Variants in SEMA3A observed in about 807,000 individuals in gnomAD.
SEMA3A encodes the protein semaphorin 3A.
SEMA3A carries 29 observed loss-of-function variants against 97.9 expected under a neutral mutation model. That is an observed-to-expected ratio of 0.30 (90% CI 0.22 to 0.40). The LOEUF (loss-of-function observed/expected upper bound fraction) is 0.40. SEMA3A is among the 10% of genes least tolerant of loss of function. The pLI is 1.00. For missense variants in SEMA3A, 763 were observed against 951.3 expected, an observed-to-expected ratio of 0.80 and a Z score of 2.60; for synonymous variants, 321 against 323.7, an observed-to-expected ratio of 0.99 and a Z score of 0.09.
chr7:84,370,232 AGTT>A (rs1802941895), intron 2 of SEMA3A, among the ~76,000 whole-genome samples: 1 of 151,604 alleles, frequency 6.6e-6, no homozygotes, highest in African/African-American at 2.4e-5. Context: ...TGATAAAAGA[AGTT>A]GTGTTTAAGA....
chr7:84,222,158 C>G (rs752348108), intron 3 of SEMA3A, among the ~76,000 whole-genome samples: 1 of 151,872 alleles, frequency 6.6e-6, no homozygotes, highest in African/African-American at 2.4e-5. Flanking sequence ...TGATTATCAT[C>G]TTGCACCCTA....
At chr7:84,236,018 A>T (rs974362747) in intron 3 of SEMA3A, among the ~76,000 whole-genome samples, 1 of 152,128 alleles carries the variant, frequency 6.6e-6, no homozygotes, top group African/African-American at 2.4e-5. Context: ...TTATCAAAAC[A>T]TCAAAGGCAC....
chr7:84,190,960 T>C (rs897186683), intron 1 of SEMA3A, among the ~76,000 whole-genome samples: 1 of 82,636 alleles, frequency 1.2e-5, no homozygotes, highest in African/African-American at 7.3e-5. Flanking sequence ...TGTATTGGTA[T>C]ATACACACAC....
chr7:84,294,716 T>C lies in SEMA3A; in HGVS notation c.-83+12491A>G, dbSNP rs538098237. Among the ~76,000 whole-genome samples the C allele has an allele frequency of 2.6e-5, 4 of 152,114 alleles. 1 individual carries two copies. Among genetic ancestry groups the C allele is most frequent in the African/African-American group, 9.6e-5 (4 of 41,536 alleles). On this transcript the variant is annotated intron_variant, in intron 3 of 3. Coordinates refer to the SEMA3A transcript ENST00000424555. ...CCTCTAAATATTCAGAAAATAAAGGTTGAACTGGTAAAATGGTGAGAATAC... is the reference window on the plus strand; with the variant it reads ...CCTCTAAATATTCAGAAAATAAAGGCTGAACTGGTAAAATGGTGAGAATAC...
chr7:84,290,630 T>C (rs973847163), intron 3 of SEMA3A, among the ~76,000 whole-genome samples: 6 of 152,074 alleles, frequency 3.9e-5, no homozygotes, highest in African/African-American at 1.4e-4. Flanking sequence ...AGAATAGCAG[T>C]TCTCTTCTGA....
chr7:84,036,780 G>A (rs571084683), intron 6 of SEMA3A, among the ~76,000 whole-genome samples: 2 of 151,672 alleles, frequency 1.3e-5, no homozygotes, highest in Non-Finnish European at 1.5e-5. Flanking sequence ...TTGTTTTTAC[G>A]GACAACCATA....
At chr7:83,988,496 T>G (rs1418452406) in intron 12 of SEMA3A, among the ~76,000 whole-genome samples, 1 of 152,094 alleles carries the variant, frequency 6.6e-6, no homozygotes, top group African/African-American at 2.4e-5. Flanking sequence ...CCAACTTTTG[T>G]GGTTTTAATT....
intron 1 of SEMA3A, among the ~76,000 whole-genome samples, chr7:84,406,674 C>T (rs1804099906): frequency 1.3e-5 from 2 of 152,166 alleles, no homozygotes; most frequent in African/African-American, 2.4e-5. Context: ...CAAACTGAAT[C>T]CAGCAGCACA....
intron 2 of SEMA3A, among the ~76,000 whole-genome samples, chr7:84,348,915 C>T (rs1421025407): frequency 2.0e-5 from 3 of 150,402 alleles, no homozygotes; most frequent in South Asian, 2.1e-4. Flanking sequence ...AACCGGGTGG[C>T]GGAGGTTGAA....
rs76337470 is a variant in SEMA3A, at chr7:84,308,502, C to T, written c.-168-1210G>A. Among the ~76,000 whole-genome samples, 1,075 of 152,172 alleles carry T rather than the reference C, an allele frequency of 7.1e-3. 13 individuals carry two copies. Among genetic ancestry groups the T allele is most frequent in the African/African-American group, 0.025 (1,033 of 41,518 alleles). On this transcript the variant is annotated intron_variant, in intron 2 of 3. Transcript: ENST00000424555. ...GGAGAGGAGTCAATCAACTGAGAAA[C>T]TAGAATTTTTGAAGACTCATCTGGG... is the stretch of plus-strand genomic sequence containing the variant.
chr7:84,099,649 C>A (rs1020880677), intron 4 of SEMA3A, among the ~76,000 whole-genome samples: 3 of 151,936 alleles, frequency 2.0e-5, no homozygotes, highest in African/African-American at 7.3e-5. Flanking sequence ...GAATCATAAA[C>A]GCTTTTTTTA....
At chr7:83,987,270 A>ATTTT (rs1444414359) in intron 12 of SEMA3A, among the ~76,000 whole-genome samples, 1 of 152,116 alleles carries the variant, frequency 6.6e-6, no homozygotes, top group Non-Finnish European at 1.5e-5. Context: ...AAAAAAATCA[A>ATTTT]TTAAAAAGTG....
intron 5 of SEMA3A, among the ~76,000 whole-genome samples, chr7:84,053,784 A>G (rs1039900142): frequency 1.2e-4 from 17 of 143,910 alleles, no homozygotes; most frequent in African/African-American, 4.0e-4. Context: ...TTGCTCGTTA[A>G]TTGATGGAGT....
At chr7:84,407,424 C>T in intron 1 of SEMA3A, among the ~76,000 whole-genome samples, 1 of 152,100 alleles carries the variant, frequency 6.6e-6, no homozygotes, top group Non-Finnish European at 1.5e-5. Flanking sequence ...ACATTCCATG[C>T]TCATGGGTAG....
chr7:84,369,139 A>G lies in SEMA3A; in HGVS notation c.-169+2685T>C, dbSNP rs1243609600. Among the ~76,000 whole-genome samples the G allele has an allele frequency of 2.0e-5, 3 of 151,218 alleles. No individual in the cohort carries two copies. The East Asian group carries it at 5.8e-4, about 29-fold the overall frequency. On this transcript the variant is annotated intron_variant, in intron 2 of 3. Coordinates refer to the SEMA3A transcript ENST00000424555. ...ATGGACAGATAAAATACACAAATCT[A>G]TATCTGGAGTCCAGGCAAAACTTCA...
chr7:84,110,148 G>C (rs1583981141), intron 4 of SEMA3A, among the ~76,000 whole-genome samples: 1 of 152,114 alleles, frequency 6.6e-6, no homozygotes, highest in Admixed American at 6.6e-5. Context: ...GGAGGAGAAG[G>C]CTGGCAATAT....
At chr7:84,376,307 GTA>G (rs1301189423) in intron 1 of SEMA3A, among the ~76,000 whole-genome samples, 1 of 149,048 alleles carries the variant, frequency 6.7e-6, no homozygotes, top group African/African-American at 2.5e-5. Context: ...TATCAACAGT[GTA>G]TAAGAAGTGT....
At chr7:84,052,484 C>G (rs1162402378) in intron 5 of SEMA3A, among the ~76,000 whole-genome samples, 1 of 152,146 alleles carries the variant, frequency 6.6e-6, no homozygotes, top group African/African-American at 2.4e-5. Flanking sequence ...TCTGGATTTT[C>G]TAGTTTATTT....
chr7:84,365,390 A>C (rs966085249), intron 2 of SEMA3A, among the ~76,000 whole-genome samples: 2 of 151,588 alleles, frequency 1.3e-5, no homozygotes, highest in Non-Finnish European at 3.0e-5. Flanking sequence ...TTATTTTATA[A>C]TGCCCACTCT....
Sources: gnomAD v4.1 joint callset for allele counts (sites outside exome capture counted in the v4.1 genomes callset) on GRCh38, gnomAD v4.1.1 for gene constraint, MANE v1.5 for transcripts, NCBI Gene and HGNC (gene_info 2026-07-23, HGNC 2026-07-21) for gene names.